Variants in OTUD7A observed in about 807,000 individuals in gnomAD.
OTUD7A encodes the protein OTU deubiquitinase 7A.
OTUD7A carries 12 observed loss-of-function variants against 65.7 expected under a neutral mutation model. That is an observed-to-expected ratio of 0.18 (90% CI 0.12 to 0.30). The LOEUF (loss-of-function observed/expected upper bound fraction) is 0.30. Ranked by LOEUF, OTUD7A falls within the 10% of genes least tolerant of loss-of-function variation. OTUD7A has a pLI of 1.00. For missense variants in OTUD7A, 1,148 were observed against 1,304.8 expected, an observed-to-expected ratio of 0.88 and a Z score of 1.85; for synonymous variants, 641 against 586.3, an observed-to-expected ratio of 1.09 and a Z score of -1.35.
chr15:31,742,426 A>G (rs1438876404), intron 1 of OTUD7A, among the ~76,000 whole-genome samples: 1 of 152,130 alleles, frequency 6.6e-6, no homozygotes, highest in Non-Finnish European at 1.5e-5. Flanking sequence ...ATGCATGTAG[A>G]TAAGGCTTTT....
intron 8 of OTUD7A, among the ~76,000 whole-genome samples, chr15:31,515,719 T>C (rs2041840129): frequency 7.0e-6 from 1 of 143,112 alleles, no homozygotes; most frequent in Admixed American, 7.2e-5. Context: ...CTGCTGTCTG[T>C]GCATCCATCT....
intron 1 of OTUD7A, among the ~76,000 whole-genome samples, chr15:31,693,134 G>A (rs1328944552): frequency 3.3e-5 from 5 of 152,166 alleles, no homozygotes; most frequent in African/African-American, 1.2e-4. Flanking sequence ...AAGTGGTTTT[G>A]TTTATGGTTC....
At chr15:31,795,670 G>A (rs998889158) in intron 1 of OTUD7A, among the ~76,000 whole-genome samples, 5 of 152,124 alleles carry the variant, frequency 3.3e-5, no homozygotes, top group African/African-American at 7.2e-5. Context: ...CACTCTCCCC[G>A]GCCTGCACGT....
chr15:31,512,266 C>T (rs866824092), intron 8 of OTUD7A, among the ~76,000 whole-genome samples: 2 of 151,804 alleles, frequency 1.3e-5, no homozygotes, highest in Admixed American at 6.6e-5. Context: ...TTCCACATAC[C>T]GGGTGGGTTT....
rs760089268 is a variant in OTUD7A at position 31,484,722 on chromosome 15, C to T, written c.1374G>A (p.Ala458=). The change falls in exon 13 of 13, where the codon GCG becomes GCA. Residue 458 remains alanine (A), a splice_region_variant and synonymous_variant. Coordinates refer to ENST00000307050, the MANE Select transcript of OTUD7A (RefSeq NM_001382637.1). This position sits in a 1 kb window ranked among gnomAD's most constrained non-coding sequence, Gnocchi z 4.5. The stretch of plus-strand genomic sequence containing the variant: ...TGGGAGACTCCGGCTGTGCCAGGGG[C>T]GCCTGTGTGGAGAGGGAGGGCCGGA... ...TWIRIPSETR[A]PLAQPESPTA... 2 of 1,589,852 alleles carry T rather than the reference C, an allele frequency of 1.3e-6. No individual in the cohort carries two copies. Among genetic ancestry groups the T allele is most frequent in the Non-Finnish European group, 1.7e-6 (2 of 1,174,440 alleles).
At chr15:31,816,408 T>C (rs1368214474) in intron 1 of OTUD7A, among the ~76,000 whole-genome samples, 6 of 152,028 alleles carry the variant, frequency 3.9e-5, no homozygotes, top group Admixed American at 3.9e-4. Flanking sequence ...TAGAATCACA[T>C]GGCTGGGCAC....
At chr15:31,560,757 A>T (rs1406683533) in intron 4 of OTUD7A, among the ~76,000 whole-genome samples, 2 of 152,302 alleles carry the variant, frequency 1.3e-5, no homozygotes, top group East Asian at 3.9e-4. Context: ...CTGAGGTCCC[A>T]AGGAATCCCA....
chr15:31,658,965 G>C (rs1460638205), intron 1 of OTUD7A, among the ~76,000 whole-genome samples: 1 of 151,656 alleles, frequency 6.6e-6, no homozygotes, highest in Non-Finnish European at 1.5e-5. Context: ...CTGAGAGGTG[G>C]AGGTTACAGT....
intron 3 of OTUD7A, among the ~76,000 whole-genome samples, chr15:31,624,470 T>G (rs1227024287): frequency 6.6e-6 from 1 of 152,034 alleles, no homozygotes; most frequent in Non-Finnish European, 1.5e-5. Flanking sequence ...AAAGCTGGCT[T>G]TTTCAAAGGG....
In OTUD7A at chr15:31,487,649, TGG is replaced by T; in HGVS notation, c.1172-85_1172-84del. On this transcript the variant is annotated intron_variant, in intron 10 of 12. Coordinates refer to ENST00000307050, the MANE Select transcript of OTUD7A (RefSeq NM_001382637.1). This position sits in a 1 kb window ranked among gnomAD's most constrained non-coding sequence, Gnocchi z 6.0. Reference sequence around the variant, plus strand: ...CAAGGAAATTCCCAAGCCAGGTATCTGGGTGACAAATGCACCGAGTGGACATC... The same window carrying T: ...CAAGGAAATTCCCAAGCCAGGTATCTGTGACAAATGCACCGAGTGGACATC... 1 of 1,131,306 alleles carries T rather than the reference TGG, an allele frequency of 8.8e-7. No individual in the cohort carries two copies. The allele number at this position is 1,131,306 out of a possible 1,614,324, so 70.1% of individuals were successfully genotyped here.
At chr15:31,558,407 C>T (rs2141156811) in intron 5 of OTUD7A, 1 of 153,910 alleles carries the variant, frequency 6.5e-6, no homozygotes, top group East Asian at 1.9e-4. Flanking sequence ...AGACTGAGGT[C>T]AGGTTTTGTG....
At chr15:31,797,343 C>T (rs1895993938) in intron 1 of OTUD7A, among the ~76,000 whole-genome samples, 1 of 152,210 alleles carries the variant, frequency 6.6e-6, no homozygotes, top group Non-Finnish European at 1.5e-5. Flanking sequence ...TAGGGACCTT[C>T]CTTCTTTAGG....
chr15:31,818,133 G>A (rs1022602728), intron 1 of OTUD7A, among the ~76,000 whole-genome samples: 2 of 152,328 alleles, frequency 1.3e-5, no homozygotes, highest in South Asian at 4.1e-4. Flanking sequence ...GAATATGCCA[G>A]TGCCTTGAAA....
chr15:31,507,050 G>C (rs1448609257), intron 8 of OTUD7A, among the ~76,000 whole-genome samples: 1 of 152,176 alleles, frequency 6.6e-6, no homozygotes, highest in East Asian at 1.9e-4. Context: ...GTATTGTTTT[G>C]ATGGCTAAGG....
In OTUD7A at chr15:31,483,810, G is replaced by T; in HGVS notation, c.2286C>A (p.Ser762Arg). 4.0e-6 allele frequency: 4 copies of T among 1,006,002 alleles called. No individual in the cohort carries two copies. The highest frequency in any genetic ancestry group is 4.7e-6 in the Non-Finnish European group (4 of 845,252). The allele number at this position is 1,006,002 out of a possible 1,614,324, so 62.3% of individuals were successfully genotyped here. The part of the protein sequence containing the change: ...PGGGARRASA[S>R]GPVPGRSPPA... ...GGGGGCTGCGGCCAGGCACTGGTCC[G>T]CTGGCGCTCGCACGCCGCGCGCCTC... Residue 762 changes from serine to arginine, a missense_variant, in exon 13 of 13, where the codon AGC (serine) becomes AGA (arginine). Ser to Arg is a moderately radical substitution (Grantham distance 110). Coordinates refer to ENST00000307050, the MANE Select transcript of OTUD7A (RefSeq NM_001382637.1).
In OTUD7A at chr15:31,649,692, A is replaced by G. The variant is rs35901941; in HGVS notation, c.151+5404T>C. The G allele has an allele frequency of 3.6e-3, 1,423 of 391,296 alleles. 18 individuals carry two copies. Among genetic ancestry groups the G allele is most frequent in the African/African-American group, 0.025 (1,221 of 48,088 alleles). 24.2% of individuals were successfully genotyped at this position (391,296 alleles called of 1,614,324 possible). A position where few individuals can be genotyped will look rare whatever the true frequency, so the allele number is the denominator to read the frequency against. On this transcript the variant is annotated intron_variant, in intron 3 of 12. Transcript: ENST00000307050. ...CAGTCCTCTTACCTGTGAAAGCCAA[A>G]GGCAGGACCCAGCAGTGGGTGAGGT...
chr15:31,836,960 T>G (rs920830324), intron 1 of OTUD7A, among the ~76,000 whole-genome samples: 2 of 152,168 alleles, frequency 1.3e-5, no homozygotes, highest in African/African-American at 4.8e-5. Context: ...ACCATTGCTA[T>G]TCCACATAGT....
At chr15:31,830,057 GT>G (rs1896893523) in intron 1 of OTUD7A, among the ~76,000 whole-genome samples, 1 of 152,162 alleles carries the variant, frequency 6.6e-6, no homozygotes, top group South Asian at 2.1e-4. Context: ...CATGAGGCTG[GT>G]GGCTGTACAG....
intron 3 of OTUD7A, among the ~76,000 whole-genome samples, chr15:31,618,951 A>T (rs906561294): frequency 6.6e-6 from 1 of 152,192 alleles, no homozygotes; most frequent in African/African-American, 2.4e-5. Flanking sequence ...TAATTTTTGT[A>T]TAAGGTGTAA....
Sources: allele counts gnomAD v4.1 joint callset (sites outside exome capture counted in the v4.1 genomes callset), GRCh38; gene constraint gnomAD v4.1.1; non-coding constraint Gnocchi (gnomAD v3.1); transcripts MANE v1.5; gene names NCBI Gene and HGNC (gene_info 2026-07-23, HGNC 2026-07-21).